The following SPP1 variants were observed in gnomAD, a reference collection of about 807,000 sequenced individuals.
The protein encoded by SPP1 is secreted phosphoprotein 1, also known as osteopontin.
SPP1 carries 18 observed loss-of-function variants against 20.8 expected under a neutral mutation model. That is an observed-to-expected ratio of 0.87 (90% CI 0.60 to 1.29). The LOEUF (loss-of-function observed/expected upper bound fraction) is 1.29. Ranked by LOEUF, SPP1 falls within the 50% of genes most tolerant of loss-of-function variation. The pLI is 0.00. For missense variants in SPP1, 363 were observed against 389.0 expected (o/e 0.93, Z 0.56); for synonymous variants, 146 against 141.5 (o/e 1.03, Z -0.23).
intron 6 of SPP1, 34 bp from the exon 7 acceptor site, chr4:87,982,458 C>A: frequency 6.3e-7 from 1 of 1,594,464 alleles, no homozygotes; most frequent in South Asian, 1.1e-5. Flanking sequence ...CCTAGCCGTT[C>A]ATATAATTAT....
chr4:87,976,329 A>G (rs908590968), intron 1 of SPP1, among the ~76,000 whole-genome samples: 16 of 152,220 alleles, frequency 1.1e-4, no homozygotes, highest in African/African-American at 3.9e-4. Context: ...GCTATTTTCA[A>G]TGTTTTCCTT....
rs769393005 is a variant in SPP1, at chr4:87,982,609, C to T, written c.658C>T (p.Arg220Cys). The stretch of plus-strand genomic sequence containing the variant: ...GAACGCGCCTTCTGATTGGGACAGC[C>T]GTGGGAAGGACAGTTATGAAACGAG... ...DLNAPSDWDSRGKDSYETSQL... is the reference protein window; with the variant it reads ...DLNAPSDWDSCGKDSYETSQL... The change falls in exon 7 of 7, where the codon CGT becomes TGT. Residue 220 changes from arginine to cysteine, a missense_variant. Coordinates refer to ENST00000395080, the MANE Select transcript of SPP1 (RefSeq NM_001040058.2). The T allele has an allele frequency of 8.7e-6, 14 of 1,613,944 alleles. No homozygotes were observed. In the East Asian group the frequency reaches 1.8e-4, roughly 21 times the overall value.
At chr4:87,980,496 C>G (rs1354393052) in intron 5 of SPP1, 62 bp downstream of exon 5, 2 of 1,557,152 alleles carry the variant, frequency 1.3e-6, no homozygotes, top group African/African-American at 1.4e-5. Flanking sequence ...AAGGCATTGC[C>G]TGGATTCTCT....
Position 87,981,756 on chromosome 4 carries a change from A to C in SPP1, c.498A>C (p.Gly166=). ...GCCGAGGTGATAGTGTGGTTTATGG[A>C]CTGAGGTCAAAATCTAAGAAGTTTC... ...YDGRGDSVVY[G]LRSKSKKFRR... is the part of the protein sequence containing the mutation. The change falls in exon 6 of 7, where the codon GGA becomes GGC. Residue 166 remains glycine, a synonymous_variant. Transcript: ENST00000395080. 2 of 1,614,120 alleles carry C rather than the reference A, an allele frequency of 1.2e-6. No homozygotes were observed. Among genetic ancestry groups the C allele is most frequent in the Non-Finnish European group, 1.7e-6 (2 of 1,179,992 alleles).
chr4:87,981,753 T>C lies in SPP1; in HGVS notation c.495T>C (p.Tyr165=), dbSNP rs143538127. 10 of 1,614,204 alleles carry C rather than the reference T, an allele frequency of 6.2e-6. No homozygotes were observed. The Middle Eastern group carries it at 9.9e-4, about 160-fold the overall frequency. The change falls in exon 6 of 7, where the codon TAT becomes TAC. Residue 165 remains tyrosine, a synonymous_variant. Coordinates refer to ENST00000395080, the MANE Select transcript of SPP1 (RefSeq NM_001040058.2). Reference sequence around the variant, plus strand: ...ATGGCCGAGGTGATAGTGTGGTTTATGGACTGAGGTCAAAATCTAAGAAGT... The same window carrying C: ...ATGGCCGAGGTGATAGTGTGGTTTACGGACTGAGGTCAAAATCTAAGAAGT... ...TYDGRGDSVV[Y]GLRSKSKKFR... is the part of the protein sequence containing the mutation.
chr4:87,976,505 T>C (rs1011092340), intron 1 of SPP1, among the ~76,000 whole-genome samples: 3 of 152,204 alleles, frequency 2.0e-5, no homozygotes, highest in Non-Finnish European at 2.9e-5. Flanking sequence ...GTGAGTTTTT[T>C]CTTCTCTAAA....
chr4:87,980,356 G>C (rs1725591209), intron 4 of SPP1, 37 bp from the exon 5 acceptor site: 1 of 1,610,164 alleles, frequency 6.2e-7, no homozygotes, highest in Non-Finnish European at 8.5e-7. Flanking sequence ...AGCTAGGCAT[G>C]TGTGATGCGC....
At position 87,980,119 on chromosome 4, in the gene SPP1, C is replaced by T. The variant is rs1376287019; in HGVS notation, c.167C>T (p.Ala56Val). The T allele has an allele frequency of 6.2e-7, 1 of 1,614,080 alleles. No homozygotes were observed. Among genetic ancestry groups the T allele is most frequent in the East Asian group, 2.2e-5 (1 of 44,884 alleles). Residue 56 changes from alanine (A) to valine (V), a missense_variant, in exon 4 of 7, where the codon GCC (alanine) becomes GTC (valine). Ala to Val is a moderately conservative substitution (Grantham distance 64). Coordinates refer to ENST00000395080, the MANE Select transcript of SPP1 (RefSeq NM_001040058.2). ...CCATCTCAGAAGCAGAATCTCCTAG[C>T]CCCACAGGTATTTTTAAACTTCTCA... ...PDPSQKQNLLAPQNAVSSEET... is the reference protein window; with the variant it reads ...PDPSQKQNLLVPQNAVSSEET...
chr4:87,978,208 T>A (rs905446347), intron 3 of SPP1, among the ~76,000 whole-genome samples: 2 of 152,168 alleles, frequency 1.3e-5, no homozygotes, highest in Non-Finnish European at 2.9e-5. Flanking sequence ...GGGTGGTTTT[T>A]AGTCTATTCA....
At position 87,982,477 on chromosome 4, in the gene SPP1, T is replaced by A; in HGVS notation, c.541-15T>A. 1 of 1,606,830 alleles carries A rather than the reference T, an allele frequency of 6.2e-7. No homozygotes were observed. The highest frequency in any genetic ancestry group is 8.5e-7 in the Non-Finnish European group (1 of 1,174,966). ...GCCGTTCATATAATTATTCTTCATT[T>A]GTGCCGTGATTCAGTACCCTGATGC... On this transcript the variant is annotated splice_polypyrimidine_tract_variant and intron_variant, in intron 6 of 6. Coordinates refer to ENST00000395080, the MANE Select transcript of SPP1 (RefSeq NM_001040058.2).
At chr4:87,978,807 C>T (rs1241043145) in intron 3 of SPP1, among the ~76,000 whole-genome samples, 1 of 152,166 alleles carries the variant, frequency 6.6e-6, no homozygotes, top group Non-Finnish European at 1.5e-5. Flanking sequence ...GACTGGTTCT[C>T]TCTCTACTCA....
In SPP1 at chr4:87,980,045, G is replaced by T. The variant is rs139555315; in HGVS notation, c.94-1G>T. The T allele has an allele frequency of 6.2e-7, 1 of 1,612,062 alleles. No homozygotes were observed. The highest frequency in any genetic ancestry group is 1.7e-5 in the Admixed American group (1 of 59,612). On this transcript the variant is annotated splice_acceptor_variant, in intron 3 of 6. Transcript: ENST00000395080. LOFTEE classifies it high-confidence loss of function. ...ATGATAAACATGCAACTTTTTTGTA[G>T]CTTTACAACAAATACCCAGATGCTG... is the stretch of plus-strand genomic sequence containing the variant.
At chr4:87,980,784 GTTTA>G (rs1725610574) in intron 5 of SPP1, 1 of 215,462 alleles carries the variant, frequency 4.6e-6, no homozygotes, top group South Asian at 1.5e-4. Flanking sequence ...TAATAAAATA[GTTTA>G]TTTGACAACT....
intron 3 of SPP1, among the ~76,000 whole-genome samples, chr4:87,979,340 A>T (rs1370816750): frequency 4.2e-5 from 6 of 144,404 alleles, no homozygotes; most frequent in East Asian, 2.0e-4. Context: ...ATTTTTTTTT[A>T]TTTTTATTTT....
rs748275245 is a variant in SPP1 at position 87,982,480 on chromosome 4, G to A, written c.541-12G>A. The stretch of plus-strand genomic sequence containing the variant: ...GTTCATATAATTATTCTTCATTTGT[G>A]CCGTGATTCAGTACCCTGATGCTAC... On this transcript the variant is annotated splice_polypyrimidine_tract_variant and intron_variant, in intron 6 of 6. Coordinates refer to ENST00000395080, the MANE Select transcript of SPP1 (RefSeq NM_001040058.2). 1 of 1,607,154 alleles carries A rather than the reference G, an allele frequency of 6.2e-7. No homozygotes were observed.
Position 87,976,923 on chromosome 4 carries a change from C to A in SPP1, c.28C>A (p.Leu10Ile). The A allele has an allele frequency of 1.9e-6, 3 of 1,613,604 alleles. No individual in the cohort carries two copies. Among genetic ancestry groups the A allele is most frequent in the African/African-American group, 1.3e-5 (1 of 75,042 alleles). Residue 10 changes from leucine to isoleucine, a missense_variant, in exon 2 of 7, where the codon CTC (leucine) becomes ATC (isoleucine). By Grantham distance (5) the Leu-to-Ile change is conservative (BLOSUM62 2). Coordinates refer to ENST00000395080, the MANE Select transcript of SPP1 (RefSeq NM_001040058.2). MRIAVICFC[L>I]LGITCAIPVK... is the part of the protein sequence containing the mutation. ...GAGAATTGCAGTGATTTGCTTTTGC[C>A]TCCTAGGCATCACCTGTGCCATACC...
At chr4:87,978,281 C>A (rs1471386992) in intron 3 of SPP1, among the ~76,000 whole-genome samples, 1 of 151,820 alleles carries the variant, frequency 6.6e-6, no homozygotes, top group African/African-American at 2.4e-5. Flanking sequence ...CTTATACATC[C>A]ATTCTCTCTG....
intron 5 of SPP1, 184 bp downstream of exon 5, chr4:87,980,618 T>A (rs998530039): frequency 1.6e-6 from 1 of 627,970 alleles, no homozygotes; most frequent in Non-Finnish European, 2.8e-6. Flanking sequence ...CTCGGATAAG[T>A]TTAGCATTAC....
In SPP1 at chr4:87,982,980, C is replaced by A; in HGVS notation, c.*84C>A. 7.7e-7 allele frequency: 1 copy of A among 1,297,826 alleles called. No individual in the cohort carries two copies. The highest frequency in any genetic ancestry group is 1.0e-6 in the Non-Finnish European group (1 of 958,124). The allele number at this position is 1,297,826 out of a possible 1,614,324, so 80.4% of individuals were successfully genotyped here. On this transcript the variant is annotated 3_prime_UTR_variant, in exon 7 of 7. Transcript: ENST00000395080. ...GCAAAATGAAAGAGAACATGAAATG[C>A]TTCTTTCTCAGTTTATTGGTTGAAT...
Sources: gnomAD v4.1 joint callset for allele counts (sites outside exome capture counted in the v4.1 genomes callset) on GRCh38, gnomAD v4.1.1 for gene constraint, MANE v1.5 for transcripts, NCBI Gene and HGNC (gene_info 2026-07-23, HGNC 2026-07-21) for gene names.